The following SMURF1 variants were observed in gnomAD, a reference collection of about 807,000 sequenced individuals.
SMURF1 encodes the protein SMAD specific E3 ubiquitin protein ligase 1, also known as E3 ubiquitin-protein ligase SMURF1.
In SMURF1, 44 loss-of-function variants were observed where a neutral mutation model predicts 98.0. That is an observed-to-expected ratio of 0.45 (90% CI 0.35 to 0.58). The LOEUF (loss-of-function observed/expected upper bound fraction) is 0.58. Among genes scored for constraint, SMURF1 ranks in the 20% least tolerant of loss-of-function variants. SMURF1 has a pLI of 0.00. For synonymous variants in SMURF1, 396 were observed against 374.9 expected, an observed-to-expected ratio of 1.06 and a Z score of -0.65; for missense variants, 687 against 938.4, an observed-to-expected ratio of 0.73 and a Z score of 3.50.
chr7:99,059,421 A>ATAAAATAAAATAAAATAAAATTAAT (rs1563010616), intron 3 of SMURF1, among the ~76,000 whole-genome samples: 6 of 113,860 alleles, frequency 5.3e-5, no homozygotes, highest in Non-Finnish European at 9.8e-5. Context: ...ATAAAATAAA[A>ATAAAATAAAATAAAATAAAATTAAT]TAAAATAAAA....
At chr7:99,054,246 A>C (rs576282412) in intron 6 of SMURF1, among the ~76,000 whole-genome samples, 1 of 151,164 alleles carries the variant, frequency 6.6e-6, no homozygotes, top group Non-Finnish European at 1.5e-5. Flanking sequence ...GCTCAAACTC[A>C]CCCATCTTTG....
chr7:99,121,888 G>C lies in SMURF1; in HGVS notation c.55+21838C>G, dbSNP rs373630410. 2.6e-5 allele frequency among the ~76,000 whole-genome samples: 4 copies of C among 152,276 alleles called. No individual in the cohort carries two copies. The East Asian group carries it at 5.8e-4, about 22-fold the overall frequency. On this transcript the variant is annotated intron_variant, in intron 1 of 17. Coordinates refer to ENST00000361368, the MANE Select transcript of SMURF1 (RefSeq NM_181349.3). ...CCATTGTTCCAACGAGCTGCCAACA[G>C]GACTCTCTGCAGGAACCAGGGAGCG...
chr7:99,038,330 C>T, intron 14 of SMURF1, 58 bp downstream of exon 14: 2 of 1,593,762 alleles, frequency 1.3e-6, no homozygotes, highest in Admixed American at 3.4e-5. Flanking sequence ...GCTACAGCAA[C>T]TAAATGCAGG....
chr7:99,094,890 C>T (rs112766351), intron 1 of SMURF1, among the ~76,000 whole-genome samples: 3,173 of 152,192 alleles, frequency 0.021, 111 homozygotes, highest in African/African-American at 0.07. Context: ...CCCCAGACAG[C>T]GCACCCACAG....
chr7:99,046,148 A>G (rs952891802), intron 10 of SMURF1, among the ~76,000 whole-genome samples: 2 of 152,204 alleles, frequency 1.3e-5, no homozygotes, highest in Non-Finnish European at 2.9e-5. Flanking sequence ...CAACTTGTGC[A>G]TCGCAACCAA....
At chr7:99,084,444 A>G (rs1182244392) in intron 1 of SMURF1, among the ~76,000 whole-genome samples, 1 of 152,216 alleles carries the variant, frequency 6.6e-6, no homozygotes, top group Non-Finnish European at 1.5e-5. Flanking sequence ...AAGATGCAAC[A>G]TAAACATCAG....
intron 1 of SMURF1, among the ~76,000 whole-genome samples, chr7:99,107,133 C>T (rs1420000462): frequency 6.6e-6 from 1 of 152,286 alleles, no homozygotes; most frequent in African/African-American, 2.4e-5. Flanking sequence ...TTCCCATCAC[C>T]TCTGTAGCAA....
chr7:99,112,087 GA>G (rs1797336764), intron 1 of SMURF1, among the ~76,000 whole-genome samples: 1 of 152,164 alleles, frequency 6.6e-6, no homozygotes, highest in Non-Finnish European at 1.5e-5. Context: ...ATACTTTAGG[GA>G]ATATGGGCTT....
intron 1 of SMURF1, among the ~76,000 whole-genome samples, chr7:99,068,684 ACT>A (rs1563015167): frequency 1.3e-5 from 2 of 151,952 alleles, no homozygotes; most frequent in South Asian, 4.1e-4. Context: ...ATCTCTAATG[ACT>A]CTGTATTTTA....
rs545146542 is a variant in SMURF1 at position 99,028,816 on chromosome 7, C to G, written c.*1768G>C. On this transcript the variant is annotated 3_prime_UTR_variant, in exon 18 of 18. Coordinates refer to ENST00000361368, the MANE Select transcript of SMURF1 (RefSeq NM_181349.3). ...GGCTCGTGATAGAGAGTGGGCTGTCCGGGGGAGGTCTGTAGTTTTCACTTC... is the reference window on the plus strand; with the variant it reads ...GGCTCGTGATAGAGAGTGGGCTGTCGGGGGGAGGTCTGTAGTTTTCACTTC... The G allele has an allele frequency of 6.6e-6, 1 of 152,112 alleles. No individual in the cohort carries two copies. The highest frequency in any genetic ancestry group is 2.1e-4 in the South Asian group (1 of 4,818). 9.4% of individuals were successfully genotyped at this position (152,112 alleles called of 1,614,324 possible).
At chr7:99,053,440 T>C (rs985304923) in intron 6 of SMURF1, among the ~76,000 whole-genome samples, 12 of 152,178 alleles carry the variant, frequency 7.9e-5, no homozygotes, top group African/African-American at 2.9e-4. Flanking sequence ...CATTAATTTT[T>C]TAAAAAAATC....
chr7:99,137,609 A>T (rs868292072), intron 1 of SMURF1, among the ~76,000 whole-genome samples: 16 of 152,246 alleles, frequency 1.1e-4, no homozygotes, highest in Non-Finnish European at 2.1e-4. Context: ...TCTGAAATGC[A>T]TCACCCAGCA....
chr7:99,122,518 CCTGTAATCCCAGCTACTTGGGAGG>C (rs1212330858), intron 1 of SMURF1, among the ~76,000 whole-genome samples: 1 of 151,296 alleles, frequency 6.6e-6, no homozygotes. Flanking sequence ...GTGGCGGGCG[CCTGTAATCCCAGCTACTTGGGAGG>C]CTGAGGCAGA....
At chr7:99,033,165 C>T (rs752583884) in intron 16 of SMURF1, 44 bp from the exon 17 acceptor site, 72 of 1,542,806 alleles carry the variant, frequency 4.7e-5, no homozygotes, top group Non-Finnish European at 6.3e-5. Context: ...GAGTTACAGC[C>T]GTGGCGCTTC....
At chr7:99,045,614 A>G in intron 11 of SMURF1, 84 bp downstream of exon 11, 1 of 1,125,172 alleles carries the variant, frequency 8.9e-7, no homozygotes, top group Non-Finnish European at 1.3e-6. Context: ...GTGCTTGGTG[A>G]TGAGCACTGG....
Position 99,122,745 on chromosome 7 carries a change from C to CT in SMURF1, c.55+20980dup, listed in dbSNP as rs373204946. On this transcript the variant is annotated intron_variant, in intron 1 of 17. Coordinates refer to ENST00000361368, the MANE Select transcript of SMURF1 (RefSeq NM_181349.3). ...TGCCACAGGGCTTTTTTCTTTCTTT[C>CT]TTTTTTTTTTTTTTTTTTTTTTTTA... 3.7e-3 allele frequency among the ~76,000 whole-genome samples: 419 copies of CT among 112,378 alleles called. 1 individual carries two copies. Among genetic ancestry groups the CT allele is most frequent in the East Asian group, 0.012 (47 of 3,778 alleles). 73.7% of individuals were successfully genotyped at this position (112,378 alleles called of 152,430 possible). A position where few individuals can be genotyped will look rare whatever the true frequency, so the allele number is the denominator to read the frequency against.
intron 1 of SMURF1, among the ~76,000 whole-genome samples, chr7:99,078,363 T>G (rs1186902907): frequency 6.6e-6 from 1 of 151,916 alleles, no homozygotes; most frequent in African/African-American, 2.4e-5. Flanking sequence ...GATAATTAGG[T>G]TTGAGACTGA....
At chr7:99,118,636 TG>T (rs1382427169) in intron 1 of SMURF1, among the ~76,000 whole-genome samples, 1 of 152,110 alleles carries the variant, frequency 6.6e-6, no homozygotes, top group Non-Finnish European at 1.5e-5. Flanking sequence ...AGCCTAGGGT[TG>T]GGGGAACAGA....
At chr7:99,122,059 TG>T (rs1289982603) in intron 1 of SMURF1, among the ~76,000 whole-genome samples, 2 of 152,208 alleles carry the variant, frequency 1.3e-5, no homozygotes, top group Non-Finnish European at 2.9e-5. Context: ...GCCGGGCAGG[TG>T]GCTCACGCCT....
Sources: allele counts gnomAD v4.1 joint callset (sites outside exome capture counted in the v4.1 genomes callset), GRCh38; gene constraint gnomAD v4.1.1; transcripts MANE v1.5; gene names NCBI Gene and HGNC (gene_info 2026-07-23, HGNC 2026-07-21).